Variants in TPD52L1 observed in about 807,000 individuals in gnomAD.
TPD52L1 encodes the protein TPD52 like 1.
Under a neutral mutation model 28.7 loss-of-function variants are expected in TPD52L1, and 18 were observed. That is an observed-to-expected ratio of 0.63 (90% CI 0.43 to 0.93). TPD52L1 has a LOEUF of 0.93. TPD52L1 is among the 40% of genes least tolerant of loss of function. The probability of loss-of-function intolerance (pLI) is 0.00; values close to 1 mark genes in which losing one functional copy is unlikely to be tolerated. For missense variants in TPD52L1, 203 were observed against 254.8 expected, an observed-to-expected ratio of 0.80 and a Z score of 1.39; for synonymous variants, 75 against 88.8, an observed-to-expected ratio of 0.84 and a Z score of 0.88.
chr6:125,232,937 T>C (rs1180547998), intron 3 of TPD52L1, among the ~76,000 whole-genome samples: 20 of 152,128 alleles, frequency 1.3e-4, no homozygotes. Context: ...TTATGTTGTC[T>C]TTAGACTTCA....
At chr6:125,204,106 G>GTGT (rs1383962224) in intron 1 of TPD52L1, among the ~76,000 whole-genome samples, 6 of 152,154 alleles carry the variant, frequency 3.9e-5, no homozygotes, top group African/African-American at 7.2e-5. Context: ...TAACATTCTA[G>GTGT]TGTTACCTGC....
At chr6:125,154,555 G>C (rs1323686728) in intron 1 of TPD52L1, 1 of 983,968 alleles carries the variant, frequency 1.0e-6, no homozygotes, top group East Asian at 1.1e-4. Flanking sequence ...TTCCGCGATC[G>C]GGGAGCGACC....
At chr6:125,154,095 A>C in intron 1 of TPD52L1, 125 bp downstream of exon 1, 2 of 1,420,412 alleles carry the variant, frequency 1.4e-6, no homozygotes, top group East Asian at 2.8e-5. Context: ...CCAGAACTCC[A>C]CTCCCACCCG....
intron 1 of TPD52L1, among the ~76,000 whole-genome samples, chr6:125,176,245 G>A (rs1167235178): frequency 1.3e-5 from 2 of 152,100 alleles, no homozygotes; most frequent in South Asian, 2.1e-4. Flanking sequence ...CTAGTTCATC[G>A]AGATTTATGA....
intron 2 of TPD52L1, chr6:125,221,707 GA>G (rs1269719333): frequency 6.6e-6 from 1 of 152,122 alleles, no homozygotes; most frequent in South Asian, 2.1e-4. Context: ...CCATGAATAT[GA>G]AAAAATAGAA....
chr6:125,256,567 T>C (rs906139834), intron 5 of TPD52L1, among the ~76,000 whole-genome samples: 3 of 152,192 alleles, frequency 2.0e-5, no homozygotes, highest in African/African-American at 7.2e-5. Flanking sequence ...TTTTAAGGCA[T>C]GGAAAAGAAA....
At chr6:125,171,922 T>A (rs906343730) in intron 1 of TPD52L1, among the ~76,000 whole-genome samples, 1 of 150,898 alleles carries the variant, frequency 6.6e-6, no homozygotes. Context: ...GAGGAGAGGA[T>A]GGGATGTATA....
At chr6:125,227,928 T>C (rs59985426) in intron 2 of TPD52L1, among the ~76,000 whole-genome samples, 7,669 of 152,226 alleles carry the variant, frequency 0.05, 325 homozygotes, top group African/African-American at 0.12. Flanking sequence ...TGTACATGAA[T>C]GTTCATAGCA....
At chr6:125,198,255 C>T (rs1793574092) in intron 1 of TPD52L1, among the ~76,000 whole-genome samples, 1 of 152,198 alleles carries the variant, frequency 6.6e-6, no homozygotes, top group African/African-American at 2.4e-5. Context: ...TAAACCCTTT[C>T]AGGCAATTTG....
chr6:125,241,287 T>C (rs903186279), intron 3 of TPD52L1, among the ~76,000 whole-genome samples: 1 of 152,148 alleles, frequency 6.6e-6, no homozygotes, highest in Admixed American at 6.5e-5. Flanking sequence ...TCTTTTCTTG[T>C]TATGTCCTTT....
intron 1 of TPD52L1, among the ~76,000 whole-genome samples, chr6:125,174,446 A>C (rs1429349429): frequency 6.6e-6 from 1 of 152,192 alleles, no homozygotes; most frequent in Non-Finnish European, 1.5e-5. Context: ...TGAAGATAGA[A>C]ATAAATATGT....
At chr6:125,247,687 G>A (rs534700608) in intron 3 of TPD52L1, among the ~76,000 whole-genome samples, 1 of 152,188 alleles carries the variant, frequency 6.6e-6, no homozygotes, top group East Asian at 1.9e-4. Flanking sequence ...AGTCTAGTAT[G>A]ACATAGGCTT....
intron 1 of TPD52L1, among the ~76,000 whole-genome samples, chr6:125,182,937 T>C (rs3778459): frequency 0.038 from 5,720 of 152,306 alleles, 355 homozygotes; most frequent in East Asian, 0.33. Flanking sequence ...AGGAATGTTA[T>C]TTTTTGAGTC....
chr6:125,194,783 T>C (rs1032290122), intron 1 of TPD52L1, among the ~76,000 whole-genome samples: 2 of 152,264 alleles, frequency 1.3e-5, no homozygotes, highest in African/African-American at 4.8e-5. Flanking sequence ...TTTGTGTTAA[T>C]AGCACGTAGT....
chr6:125,211,813 C>G (rs1348053683), intron 1 of TPD52L1, among the ~76,000 whole-genome samples: 4 of 152,254 alleles, frequency 2.6e-5, no homozygotes, highest in Admixed American at 6.5e-5. Context: ...TACTACACAC[C>G]TGATTCAATA....
intron 1 of TPD52L1, among the ~76,000 whole-genome samples, chr6:125,209,317 A>T (rs147512640): frequency 1.4e-4 from 22 of 152,302 alleles, no homozygotes; most frequent in African/African-American, 4.3e-4. Context: ...GCAGAGGAAG[A>T]CGAACATAGC....
At chr6:125,183,414 G>A (rs1285201117) in intron 1 of TPD52L1, among the ~76,000 whole-genome samples, 2 of 152,204 alleles carry the variant, frequency 1.3e-5, no homozygotes. Context: ...AGGAGGCGGA[G>A]GTTGCAGTGA....
In TPD52L1 at chr6:125,217,233, G is replaced by A. The variant is rs114184629; in HGVS notation, c.20-2845G>A. Among the ~76,000 whole-genome samples the A allele has an allele frequency of 2.1e-3, 314 of 152,150 alleles. 1 individual carries two copies. The highest frequency in any genetic ancestry group is 7.0e-3 in the African/African-American group (289 of 41,508). On this transcript the variant is annotated intron_variant, in intron 1 of 6. Transcript: ENST00000534000. ...AATTTTTCCACAGACAAAGGGTGGC[G>A]GTGATGTTTTTGGGATGATTCAAGC...
intron 1 of TPD52L1, among the ~76,000 whole-genome samples, chr6:125,215,166 G>C (rs1398073101): frequency 2.6e-5 from 4 of 152,016 alleles, no homozygotes; most frequent in African/African-American, 9.7e-5. Flanking sequence ...ATGGTAACTA[G>C]GTAATTTTAT....
Sources: gnomAD v4.1 joint callset for allele counts (sites outside exome capture counted in the v4.1 genomes callset) on GRCh38, gnomAD v4.1.1 for gene constraint, MANE v1.5 for transcripts, NCBI Gene and HGNC (gene_info 2026-07-23, HGNC 2026-07-21) for gene names.